The following DST variants were observed in gnomAD, a reference collection of about 807,000 sequenced individuals.
The protein encoded by DST is dystonin.
Under a neutral mutation model 875.2 loss-of-function variants are expected in DST, and 253 were observed. The observed-to-expected ratio is 0.29, with a 90% CI of 0.26 to 0.32. The LOEUF is 0.32. Among genes scored for constraint, DST ranks in the 10% least tolerant of loss-of-function variants. The pLI is 1.00. For synonymous variants in DST, 3,124 were observed against 3,197.1 expected, an observed-to-expected ratio of 0.98 and a Z score of 0.77; for missense variants, 8,287 against 9,111.6, an observed-to-expected ratio of 0.91 and a Z score of 3.68.
At chr6:56,875,230 C>T (rs756627264) in intron 3 of DST, among the ~76,000 whole-genome samples, 3 of 152,136 alleles carry the variant, frequency 2.0e-5, no homozygotes, top group African/African-American at 7.2e-5. Context: ...GTGATCCGCC[C>T]GCCTCAGCCT....
intron 3 of DST, among the ~76,000 whole-genome samples, chr6:56,884,568 G>A (rs1783741385): frequency 6.6e-6 from 1 of 152,182 alleles, no homozygotes; most frequent in African/African-American, 2.4e-5. Context: ...GTCTAGGTTC[G>A]TTATTTTATT....
intron 4 of DST, among the ~76,000 whole-genome samples, chr6:56,743,073 G>T (rs1404955520): frequency 6.6e-6 from 1 of 152,072 alleles, no homozygotes; most frequent in Non-Finnish European, 1.5e-5. Context: ...ATCTAATAAT[G>T]CAGGAAAAGC....
rs1489401347 is a variant in DST at position 56,604,863 on chromosome 6, T to A, written c.9765A>T (p.Gly3255=). 6.2e-7 allele frequency: 1 copy of A among 1,612,740 alleles called. No homozygotes were observed. The highest frequency in any genetic ancestry group is 2.2e-5 in the East Asian group (1 of 44,854). Residue 3255 remains glycine (G), a synonymous_variant, in exon 40 of 104, where the codon GGA becomes GGT. Transcript: ENST00000680361. ...NDLCSKESIS[G]GGTEISQFTP... ...TGAACTGAGAAATTTCTGTTCCTCC[T>A]CCTGAGATGCTTTCTTTACTACAAA...
chr6:56,490,856 A>T (rs116127576), intron 85 of DST, among the ~76,000 whole-genome samples: 3,797 of 152,330 alleles, frequency 0.025, 73 homozygotes, highest in Non-Finnish European at 0.043. Flanking sequence ...ATATAAATAG[A>T]GGAAATGCTA....
intron 64 of DST, among the ~76,000 whole-genome samples, chr6:56,530,911 A>C (rs766773017): frequency 2.0e-5 from 3 of 152,158 alleles, no homozygotes; most frequent in Admixed American, 2.0e-4. Context: ...GCTGGGATCA[A>C]GAGATATTGC....
intron 4 of DST, chr6:56,785,984 C>T (rs957893536): frequency 3.2e-4 from 48 of 152,184 alleles, no homozygotes; most frequent in African/African-American, 1.1e-3. Flanking sequence ...ATTCACACAT[C>T]AGTATTATCA....
chr6:56,852,429 G>A (rs1472285998), intron 3 of DST, among the ~76,000 whole-genome samples: 1 of 152,230 alleles, frequency 6.6e-6, no homozygotes, highest in Non-Finnish European at 1.5e-5. Context: ...ATTACACAGT[G>A]AAATGAGAAA....
intron 10 of DST, among the ~76,000 whole-genome samples, chr6:56,657,811 C>T (rs965761747): frequency 1.3e-5 from 2 of 151,950 alleles, no homozygotes; most frequent in Non-Finnish European, 2.9e-5. Context: ...TGTCATCCAC[C>T]CTGGAGTGCA....
chr6:56,693,940 G>A (rs1178741744), intron 9 of DST, among the ~76,000 whole-genome samples: 1 of 151,260 alleles, frequency 6.6e-6, no homozygotes, highest in African/African-American at 2.4e-5. Context: ...TCCAAGCCAT[G>A]ACCTTATCTA....
At chr6:56,599,240 C>G (rs2098420548) in intron 45 of DST, among the ~76,000 whole-genome samples, 1 of 152,042 alleles carries the variant, frequency 6.6e-6, no homozygotes, top group African/African-American at 2.4e-5. Flanking sequence ...GTAGTTATAG[C>G]TTTCCTATGT....
intron 84 of DST, 128 bp from the exon 85 acceptor site, chr6:56,492,561 T>A (rs979196140): frequency 1.1e-4 from 106 of 969,786 alleles, no homozygotes; most frequent in South Asian, 9.6e-4. Flanking sequence ...ACCAAATGCA[T>A]GCTTTTGACT....
chr6:56,879,006 G>T (rs148154045), intron 3 of DST, among the ~76,000 whole-genome samples: 2 of 152,190 alleles, frequency 1.3e-5, no homozygotes, highest in Non-Finnish European at 2.9e-5. Context: ...TTTTCCTTAG[G>T]AGTAGAGAGT....
At chr6:56,469,984 A>T (rs1331347848) in intron 96 of DST, 27 bp from the exon 97 acceptor site, 2 of 1,611,274 alleles carry the variant, frequency 1.2e-6, no homozygotes, top group Non-Finnish European at 1.7e-6. Flanking sequence ...TGAAATATTT[A>T]CTTTAATGTC....
chr6:56,465,014 A>C (rs2094511520), intron 99 of DST, among the ~76,000 whole-genome samples: 1 of 152,220 alleles, frequency 6.6e-6, no homozygotes, highest in Non-Finnish European at 1.5e-5. Flanking sequence ...TTTCTTCATA[A>C]ATGGAGTTGC....
intron 10 of DST, among the ~76,000 whole-genome samples, chr6:56,659,035 T>C (rs964167165): frequency 6.6e-6 from 1 of 152,100 alleles, no homozygotes; most frequent in Admixed American, 6.5e-5. Context: ...TTTTCCCCAA[T>C]AGCTATGAAA....
intron 61 of DST, among the ~76,000 whole-genome samples, chr6:56,543,650 T>C (rs2097175728): frequency 6.6e-6 from 1 of 152,212 alleles, no homozygotes; most frequent in Non-Finnish European, 1.5e-5. Context: ...ATCGTCAGAG[T>C]GTCAGTTACA....
intron 64 of DST, among the ~76,000 whole-genome samples, chr6:56,530,713 A>C (rs535829011): frequency 6.6e-6 from 1 of 152,312 alleles, no homozygotes; most frequent in East Asian, 1.9e-4. Flanking sequence ...TATCATGAAC[A>C]GGGGAGAAGT....
At chr6:56,937,245 C>T (rs1434071912) in intron 2 of DST, among the ~76,000 whole-genome samples, 1 of 151,968 alleles carries the variant, frequency 6.6e-6, no homozygotes, top group Admixed American at 6.6e-5. Context: ...AGAGAAACCA[C>T]AGACCATAAA....
intron 88 of DST, chr6:56,484,725 A>G (rs979564877): frequency 6.6e-6 from 1 of 152,346 alleles, no homozygotes; most frequent in Non-Finnish European, 1.5e-5. Flanking sequence ...TTTACATGAC[A>G]TGACAGTTTT....
Sources: gnomAD v4.1 joint callset for allele counts (sites outside exome capture counted in the v4.1 genomes callset) on GRCh38, gnomAD v4.1.1 for gene constraint, MANE v1.5 for transcripts, NCBI Gene and HGNC (gene_info 2026-07-23, HGNC 2026-07-21) for gene names.